CHCHD6: variants seen among roughly 807,000 people sequenced by gnomAD.
CHCHD6 encodes MICOS complex subunit MIC25.
CHCHD6 carries 28 observed loss-of-function variants against 32.3 expected under a neutral mutation model. That is an observed-to-expected ratio of 0.87 (90% CI 0.64 to 1.19). The LOEUF is 1.19. CHCHD6 is among the 50% of genes most tolerant of loss of function. The probability of loss-of-function intolerance (pLI) is 0.00; values close to 1 mark genes in which losing one functional copy is unlikely to be tolerated. For missense variants in CHCHD6, 333 were observed against 307.0 expected (o/e 1.08, Z -0.63); for synonymous variants, 122 against 117.5 (o/e 1.04, Z -0.25).
At chr3:126,955,659 G>A (rs964220897) in intron 6 of CHCHD6, among the ~76,000 whole-genome samples, 10 of 152,156 alleles carry the variant, frequency 6.6e-5, no homozygotes, top group South Asian at 2.1e-4. Context: ...GGGACTGTTC[G>A]TTTTGTTCAT....
chr3:126,812,830 C>T (rs1939723926), intron 4 of CHCHD6, among the ~76,000 whole-genome samples: 1 of 152,042 alleles, frequency 6.6e-6, no homozygotes, highest in African/African-American at 2.4e-5. Context: ...TTTACATGTG[C>T]CTTTGAATGT....
chr3:126,711,350 C>T (rs575439257), intron 1 of CHCHD6, among the ~76,000 whole-genome samples: 6 of 152,314 alleles, frequency 3.9e-5, no homozygotes, highest in East Asian at 3.9e-4. Context: ...CTTTGTTTTC[C>T]GCCATGTGGT....
In CHCHD6 at chr3:126,852,716, C is replaced by T. The variant is rs572711724; in HGVS notation, c.481C>T (p.Arg161Cys). 171 of 1,611,982 alleles carry T rather than the reference C, an allele frequency of 1.1e-4. 3 individuals carry two copies. In the South Asian group the frequency reaches 1.6e-3, roughly 15 times the overall value. The change falls in exon 5 of 8, where the codon CGT becomes TGT. Residue 161 changes from arginine (R) to cysteine (C), a missense_variant. Transcript: ENST00000290913. The part of the protein sequence containing the change: ...RDTFYKEQLE[R>C]IERKNAEMYK... ...CACCTTCTACAAGGAGCAGCTGGAG[C>T]GTATTGAGAGGAAGGTAAGACTCCT...
intron 4 of CHCHD6, among the ~76,000 whole-genome samples, chr3:126,778,189 G>C (rs536361012): frequency 1.3e-5 from 2 of 152,248 alleles, no homozygotes; most frequent in East Asian, 3.9e-4. Context: ...TATTTGGGCT[G>C]TTTCCACTTT....
chr3:126,873,318 C>T (rs1221872437), intron 5 of CHCHD6, among the ~76,000 whole-genome samples: 2 of 152,114 alleles, frequency 1.3e-5, no homozygotes, highest in African/African-American at 4.8e-5. Context: ...TTTTTTCCCC[C>T]TCTTTCTCCC....
intron 4 of CHCHD6, among the ~76,000 whole-genome samples, chr3:126,746,516 G>A (rs1428881918): frequency 1.3e-5 from 2 of 152,148 alleles, no homozygotes; most frequent in Admixed American, 1.3e-4. Context: ...AGTGCATCCA[G>A]GGCAGGATCC....
chr3:126,937,010 C>T (rs1329249883), intron 6 of CHCHD6, among the ~76,000 whole-genome samples: 1 of 152,258 alleles, frequency 6.6e-6, no homozygotes, highest in Non-Finnish European at 1.5e-5. Flanking sequence ...CAGCCTTACA[C>T]TGGAGTGGTT....
chr3:126,944,900 G>T (rs550636560), intron 6 of CHCHD6, among the ~76,000 whole-genome samples: 1 of 152,214 alleles, frequency 6.6e-6, no homozygotes, highest in Non-Finnish European at 1.5e-5. Context: ...GGAATGCCTC[G>T]CTGTGGAGTT....
intron 4 of CHCHD6, among the ~76,000 whole-genome samples, chr3:126,844,154 T>C: frequency 6.6e-6 from 1 of 152,248 alleles, no homozygotes; most frequent in East Asian, 1.9e-4. Context: ...TTTCAGTGAC[T>C]GTTCCATGTG....
chr3:126,738,886 A>G (rs560095266), intron 4 of CHCHD6, among the ~76,000 whole-genome samples: 163 of 152,374 alleles, frequency 1.1e-3, no homozygotes, highest in African/African-American at 3.7e-3. Context: ...AGAGTCTTAC[A>G]GACTTTAGGT....
chr3:126,837,071 C>G (rs1352371532), intron 4 of CHCHD6, among the ~76,000 whole-genome samples: 1 of 152,176 alleles, frequency 6.6e-6, no homozygotes, highest in East Asian at 1.9e-4. Context: ...CCTTATCATC[C>G]TTGTGCCCTA....
chr3:126,774,513 C>T (rs547760226), intron 4 of CHCHD6, among the ~76,000 whole-genome samples: 2 of 152,160 alleles, frequency 1.3e-5, no homozygotes, highest in Non-Finnish European at 2.9e-5. Flanking sequence ...CCTGGAACCA[C>T]GACTTCGTGC....
At chr3:126,935,096 G>C in intron 6 of CHCHD6, 1 of 986,402 alleles carries the variant, frequency 1.0e-6, no homozygotes, top group Non-Finnish European at 1.2e-6. Flanking sequence ...TTCGTTCCAG[G>C]GTTTACTTGT....
At chr3:126,803,722 A>G (rs899336992) in intron 4 of CHCHD6, among the ~76,000 whole-genome samples, 1 of 152,238 alleles carries the variant, frequency 6.6e-6, no homozygotes, top group African/African-American at 2.4e-5. Context: ...CCTAATAGAC[A>G]TCTACAGAAC....
chr3:126,785,339 C>T (rs1413882857), intron 4 of CHCHD6, among the ~76,000 whole-genome samples: 1 of 152,210 alleles, frequency 6.6e-6, no homozygotes, highest in East Asian at 1.9e-4. Flanking sequence ...CAAAATCACC[C>T]TAGTTGGAAA....
At chr3:126,947,542 G>A (rs7647541) in intron 6 of CHCHD6, among the ~76,000 whole-genome samples, 87,300 of 152,110 alleles carry the variant, frequency 0.57, 26,525 homozygotes, top group Non-Finnish European at 0.68. Flanking sequence ...TTCCTATCCC[G>A]GGCCCCTCTC....
intron 4 of CHCHD6, among the ~76,000 whole-genome samples, chr3:126,842,801 A>C (rs1305710262): frequency 1.4e-5 from 2 of 146,054 alleles, no homozygotes; most frequent in Non-Finnish European, 3.0e-5. Context: ...TTTTCATTGC[A>C]CTGAAATTCT....
intron 4 of CHCHD6, among the ~76,000 whole-genome samples, chr3:126,844,141 C>T (rs575274760): frequency 1.5e-4 from 23 of 152,272 alleles, no homozygotes; most frequent in African/African-American, 5.5e-4. Flanking sequence ...AAGATGTGGT[C>T]CATTTCAGTG....
intron 5 of CHCHD6, among the ~76,000 whole-genome samples, chr3:126,864,865 A>G (rs1225460285): frequency 8.5e-6 from 1 of 117,358 alleles, no homozygotes; most frequent in Non-Finnish European, 1.8e-5. Context: ...TTCCTCCTCC[A>G]CCATCATCTC....
Sources: allele counts gnomAD v4.1 joint callset (sites outside exome capture counted in the v4.1 genomes callset), GRCh38; gene constraint gnomAD v4.1.1; transcripts MANE v1.5; gene names NCBI Gene and HGNC (gene_info 2026-07-23, HGNC 2026-07-21).